Variants in GRID2 observed in about 807,000 individuals in gnomAD.
The protein encoded by GRID2 is glutamate receptor ionotropic, delta-2.
GRID2 carries 33 observed loss-of-function variants against 114.8 expected under a neutral mutation model. That is an observed-to-expected ratio of 0.29 (90% CI 0.22 to 0.38). The LOEUF (loss-of-function observed/expected upper bound fraction) is 0.38. GRID2 is among the 10% of genes least tolerant of loss of function. The pLI is 1.00. For synonymous variants in GRID2, 505 were observed against 449.9 expected (o/e 1.12, Z -1.55); for missense variants, 1,184 against 1,257.7 (o/e 0.94, Z 0.89).
intron 2 of GRID2, among the ~76,000 whole-genome samples, chr4:92,595,561 G>C (rs1728911191): frequency 6.6e-6 from 1 of 151,806 alleles, no homozygotes; most frequent in South Asian, 2.1e-4. Context: ...TCTTGTAAAA[G>C]GTAAACATTT....
intron 14 of GRID2, among the ~76,000 whole-genome samples, chr4:93,652,583 G>A (rs541719439): frequency 3.2e-4 from 49 of 151,744 alleles, no homozygotes; most frequent in East Asian, 9.7e-4. Context: ...TAGGCTATAC[G>A]GTCTAGGTTT....
rs919523823 is a variant in GRID2, at chr4:92,970,123, T to A, written c.245-114872T>A. Among the ~76,000 whole-genome samples, 8 of 151,936 alleles carry A rather than the reference T, an allele frequency of 5.3e-5. 1 individual carries two copies. In the South Asian group the frequency reaches 1.7e-3, roughly 31 times the overall value. On this transcript the variant is annotated intron_variant, in intron 2 of 15. Transcript: ENST00000282020. Reference sequence around the variant, plus strand: ...CTCAGTATTGCTCAATCAAATGGAATCTAGGTTAGACTAACAAATATTGTT... The same window carrying A: ...CTCAGTATTGCTCAATCAAATGGAAACTAGGTTAGACTAACAAATATTGTT...
At chr4:93,426,231 T>C (rs955271668) in intron 10 of GRID2, among the ~76,000 whole-genome samples, 1 of 152,190 alleles carries the variant, frequency 6.6e-6, no homozygotes, top group Non-Finnish European at 1.5e-5. Flanking sequence ...ATATCGTTAT[T>C]TTTAATACAA....
chr4:92,398,277 T>G (rs944742889), intron 1 of GRID2, among the ~76,000 whole-genome samples: 2 of 152,110 alleles, frequency 1.3e-5, no homozygotes, highest in African/African-American at 4.8e-5. Flanking sequence ...AATCAATCAT[T>G]TATTATTATT....
At position 92,988,413 on chromosome 4, in the gene GRID2, TC is replaced by T. The variant is rs748950341; in HGVS notation, c.245-96581del. ...ACTGATTTCCTTGAGTGTGGGCAAG[TC>T]AGACAGCAAGAAAAAGGAAGCAAGA... On this transcript the variant is annotated intron_variant, in intron 2 of 15. Coordinates refer to ENST00000282020, the MANE Select transcript of GRID2 (RefSeq NM_001510.4). Among the ~76,000 whole-genome samples the T allele has an allele frequency of 1.6e-4, 25 of 152,238 alleles. No homozygotes were observed. In the East Asian group the frequency reaches 4.6e-3, roughly 28 times the overall value.
intron 7 of GRID2, among the ~76,000 whole-genome samples, chr4:93,236,260 C>A (rs1000486145): frequency 1.3e-5 from 2 of 151,816 alleles, no homozygotes; most frequent in African/African-American, 4.8e-5. Context: ...AATAGATTGG[C>A]AAGAATCAGG....
intron 14 of GRID2, among the ~76,000 whole-genome samples, chr4:93,763,464 C>T (rs1413030983): frequency 6.6e-6 from 1 of 152,140 alleles, no homozygotes; most frequent in Non-Finnish European, 1.5e-5. Context: ...TGCTATCACA[C>T]TATAATTATA....
chr4:93,273,426 C>T (rs1751709480), intron 8 of GRID2, among the ~76,000 whole-genome samples: 1 of 150,896 alleles, frequency 6.6e-6, no homozygotes, highest in Admixed American at 6.7e-5. Flanking sequence ...TTTTCAACTA[C>T]ATTGATTATA....
chr4:92,785,104 A>T (rs1472789322), intron 2 of GRID2, among the ~76,000 whole-genome samples: 1 of 148,276 alleles, frequency 6.7e-6, no homozygotes, highest in Non-Finnish European at 1.5e-5. Context: ...AACTGACATA[A>T]TCCACTAAAA....
At chr4:93,569,659 G>A (rs191126769) in intron 13 of GRID2, among the ~76,000 whole-genome samples, 1 of 152,224 alleles carries the variant, frequency 6.6e-6, no homozygotes, top group African/African-American at 2.4e-5. Context: ...ACATTCTCAG[G>A]TCCCTACCTC....
At chr4:93,748,296 T>C (rs1328144892) in intron 14 of GRID2, among the ~76,000 whole-genome samples, 1 of 152,130 alleles carries the variant, frequency 6.6e-6, no homozygotes, top group Non-Finnish European at 1.5e-5. Flanking sequence ...ATCTGAATTA[T>C]ATATACATTA....
intron 1 of GRID2, among the ~76,000 whole-genome samples, chr4:92,496,357 A>G (rs1479201933): frequency 1.3e-5 from 2 of 151,794 alleles, no homozygotes; most frequent in African/African-American, 4.8e-5. Flanking sequence ...TGAAAACAAA[A>G]CAAAACAAAA....
intron 11 of GRID2, among the ~76,000 whole-genome samples, chr4:93,471,943 G>A (rs1158635377): frequency 2.7e-5 from 4 of 149,508 alleles, no homozygotes; most frequent in Non-Finnish European, 5.9e-5. Context: ...CAGGTGGTCC[G>A]CCTGCCTTGG....
chr4:93,075,714 T>C (rs1264491433), intron 2 of GRID2, among the ~76,000 whole-genome samples: 1 of 151,912 alleles, frequency 6.6e-6, no homozygotes, highest in African/African-American at 2.4e-5. Context: ...AAATAGAATA[T>C]AAAAGTATAA....
chr4:93,487,533 A>G lies in GRID2; in HGVS notation c.1859-3106A>G, dbSNP rs80291313. 5.1e-4 allele frequency among the ~76,000 whole-genome samples: 77 copies of G among 151,914 alleles called. 1 individual carries two copies. In the East Asian group the frequency reaches 0.014, roughly 28 times the overall value. ...TTTCTCTGGTGATTTTCTTTGACCC[A>G]TGACTTCATTTATGCTCATTTGGGG... On this transcript the variant is annotated intron_variant, in intron 11 of 15. Coordinates refer to ENST00000282020, the MANE Select transcript of GRID2 (RefSeq NM_001510.4).
chr4:92,368,200 A>T (rs1393973909), intron 1 of GRID2, among the ~76,000 whole-genome samples: 1 of 151,990 alleles, frequency 6.6e-6, no homozygotes, highest in Admixed American at 6.6e-5. Flanking sequence ...GAATGAAGAG[A>T]TAAGCTGTAA....
At chr4:93,455,629 G>C (rs1349690452) in intron 10 of GRID2, 33 bp from the exon 11 acceptor site, 1 of 1,457,334 alleles carries the variant, frequency 6.9e-7, no homozygotes, top group Middle Eastern at 1.7e-4. Flanking sequence ...TTTTCACACT[G>C]TTAATGTATT....
chr4:92,713,476 C>T (rs547993721), intron 2 of GRID2, among the ~76,000 whole-genome samples: 167 of 54,022 alleles, frequency 3.1e-3, no homozygotes, highest in East Asian at 0.013. Context: ...TATACATATA[C>T]ATATATATAT....
At chr4:92,592,862 A>G (rs2149213061) in intron 2 of GRID2, among the ~76,000 whole-genome samples, 1 of 152,146 alleles carries the variant, frequency 6.6e-6, no homozygotes, top group Non-Finnish European at 1.5e-5. Flanking sequence ...AAATAAGAGA[A>G]AATATTCTAT....
Sources: gnomAD v4.1 joint callset for allele counts (sites outside exome capture counted in the v4.1 genomes callset) on GRCh38, gnomAD v4.1.1 for gene constraint, MANE v1.5 for transcripts, NCBI Gene and HGNC (gene_info 2026-07-23, HGNC 2026-07-21) for gene names.